LHFPL6: variants seen among roughly 807,000 people sequenced by gnomAD.
LHFPL6 encodes LHFPL tetraspan subfamily member 6 protein.
A neutral mutation model predicts 20.6 loss-of-function variants in LHFPL6; 9 were observed. The ratio of observed to expected loss-of-function variants is 0.44; its 90% confidence interval spans 0.26 to 0.76. LHFPL6 has a LOEUF of 0.76. LHFPL6 is among the 30% of genes least tolerant of loss of function. LHFPL6 has a pLI of 0.20. For synonymous variants in LHFPL6, 105 were observed against 98.7 expected (o/e 1.06, Z -0.38); for missense variants, 218 against 253.5 (o/e 0.86, Z 0.95).
intron 2 of LHFPL6, among the ~76,000 whole-genome samples, chr13:39,552,023 C>A (rs889150452): frequency 6.6e-6 from 1 of 152,144 alleles, no homozygotes; most frequent in Admixed American, 6.5e-5. Flanking sequence ...ATACTGCTGG[C>A]CTATTCTTTT....
At chr13:39,577,125 T>C (rs1872140681) in intron 2 of LHFPL6, among the ~76,000 whole-genome samples, 1 of 152,194 alleles carries the variant, frequency 6.6e-6, no homozygotes, top group Non-Finnish European at 1.5e-5. Flanking sequence ...TGAAAAATGA[T>C]AACACTTAGA....
At chr13:39,512,616 G>T (rs868480217) in intron 2 of LHFPL6, among the ~76,000 whole-genome samples, 14 of 112,056 alleles carry the variant, frequency 1.2e-4, no homozygotes, top group African/African-American at 6.1e-4. Context: ...AAAAAAAAAA[G>T]AAAAGAAAAA....
At chr13:39,360,391 A>C (rs1869846766) in intron 3 of LHFPL6, among the ~76,000 whole-genome samples, 1 of 97,752 alleles carries the variant, frequency 1.0e-5, no homozygotes, top group Non-Finnish European at 2.4e-5. Context: ...CCAGAAGATA[A>C]AATGCAGATG....
chr13:39,526,569 C>T (rs961348761), intron 2 of LHFPL6, among the ~76,000 whole-genome samples: 2 of 152,188 alleles, frequency 1.3e-5, no homozygotes, highest in East Asian at 3.8e-4. Context: ...TTCTTTCCAC[C>T]GGTCTAGTGC....
intron 2 of LHFPL6, among the ~76,000 whole-genome samples, chr13:39,595,329 G>T (rs1872738727): frequency 6.6e-6 from 1 of 151,972 alleles, no homozygotes; most frequent in Non-Finnish European, 1.5e-5. Context: ...ACAGAGTCTT[G>T]CTCTGTCACC....
intron 2 of LHFPL6, among the ~76,000 whole-genome samples, chr13:39,582,162 C>T (rs1206325231): frequency 1.3e-5 from 2 of 152,168 alleles, no homozygotes; most frequent in African/African-American, 4.8e-5. Context: ...CCAAAAGCAG[C>T]GGCCTCATTC....
At chr13:39,504,434 T>G (rs908813410) in intron 2 of LHFPL6, among the ~76,000 whole-genome samples, 7 of 152,232 alleles carry the variant, frequency 4.6e-5, no homozygotes, top group Admixed American at 1.3e-4. Context: ...AGCTCACATA[T>G]GAAGTATCAC....
intron 2 of LHFPL6, among the ~76,000 whole-genome samples, chr13:39,392,856 G>A (rs1043487445): frequency 2.0e-5 from 3 of 151,430 alleles, no homozygotes; most frequent in Admixed American, 6.6e-5. Context: ...AGATACAATC[G>A]GCCCTCTGTA....
intron 2 of LHFPL6, among the ~76,000 whole-genome samples, chr13:39,484,993 A>G (rs972458691): frequency 2.6e-5 from 4 of 152,178 alleles, no homozygotes; most frequent in African/African-American, 9.7e-5. Context: ...TGAACAGGGC[A>G]GTTTTCATCT....
intron 2 of LHFPL6, among the ~76,000 whole-genome samples, chr13:39,526,622 T>G (rs143055379): frequency 6.6e-6 from 1 of 152,204 alleles, no homozygotes; most frequent in East Asian, 1.9e-4. Context: ...TTCAAGTTAG[T>G]GTTCAGCATC....
intron 2 of LHFPL6, among the ~76,000 whole-genome samples, chr13:39,509,303 C>T (rs60492515): frequency 2.0e-5 from 3 of 152,080 alleles, no homozygotes; most frequent in East Asian, 1.9e-4. Flanking sequence ...AATAGTCATT[C>T]ATTTTTTTTT....
chr13:39,446,936 T>G (rs997243483), intron 2 of LHFPL6, among the ~76,000 whole-genome samples: 3 of 152,178 alleles, frequency 2.0e-5, no homozygotes, highest in African/African-American at 7.2e-5. Flanking sequence ...AAAGATAAAC[T>G]GGTTCACAGG....
chr13:39,475,738 G>C (rs561321941), intron 2 of LHFPL6, among the ~76,000 whole-genome samples: 1 of 152,208 alleles, frequency 6.6e-6, no homozygotes, highest in Admixed American at 6.5e-5. Flanking sequence ...CAGTGTACAC[G>C]AGAAATAGCA....
Position 39,492,806 on chromosome 13 carries a change from G to A in LHFPL6, c.385+108026C>T, listed in dbSNP as rs143484192. On this transcript the variant is annotated intron_variant, in intron 2 of 3. Transcript: ENST00000379589. ...AGTGATTCTCCTGCCTCAGCCTCCC[G>A]AGTAGCTGGGATTACAGGCATGCAC... 7.2e-3 allele frequency among the ~76,000 whole-genome samples: 1,087 copies of A among 151,862 alleles called. 15 individuals are homozygous for A. Among genetic ancestry groups the A allele is most frequent in the African/African-American group, 0.025 (1,028 of 41,412 alleles).
intron 2 of LHFPL6, among the ~76,000 whole-genome samples, chr13:39,436,610 T>C (rs1357174151): frequency 6.6e-6 from 1 of 152,192 alleles, no homozygotes; most frequent in Non-Finnish European, 1.5e-5. Flanking sequence ...CCAATACTTA[T>C]AAACTATACT....
At chr13:39,555,052 C>T (rs1871262347) in intron 2 of LHFPL6, among the ~76,000 whole-genome samples, 1 of 152,150 alleles carries the variant, frequency 6.6e-6, no homozygotes, top group Admixed American at 6.5e-5. Flanking sequence ...ACTCTTGCTC[C>T]ATTATCAAAA....
rs1179335009 is a variant in LHFPL6, at chr13:39,454,456, C to T, written c.386-75930G>A. Among the ~76,000 whole-genome samples the T allele has an allele frequency of 2.4e-5, 2 of 83,860 alleles. 1 individual carries two copies. The highest frequency in any genetic ancestry group is 1.4e-4 in the African/African-American group (2 of 13,796). 55.0% of individuals were successfully genotyped at this position (83,860 alleles called of 152,430 possible). A position where few individuals can be genotyped will look rare whatever the true frequency, so the allele number is the denominator to read the frequency against. On this transcript the variant is annotated intron_variant, in intron 2 of 3. Transcript: ENST00000379589. ...CATCCCGGCTAAAACGGTGAAACCC[C>T]GTCTCTACTAAAAATACAAAAAATT...
chr13:39,541,375 T>A (rs1433676383), intron 2 of LHFPL6, among the ~76,000 whole-genome samples: 1 of 152,184 alleles, frequency 6.6e-6, no homozygotes. Flanking sequence ...TACTGCCCCA[T>A]CCTAGTGTTC....
At chr13:39,557,295 G>A (rs562924827) in intron 2 of LHFPL6, among the ~76,000 whole-genome samples, 2 of 152,358 alleles carry the variant, frequency 1.3e-5, no homozygotes, top group African/African-American at 4.8e-5. Flanking sequence ...CACTTTAGAC[G>A]GGGCGAGCCA....
Sources: allele counts gnomAD v4.1 joint callset (sites outside exome capture counted in the v4.1 genomes callset), GRCh38; gene constraint gnomAD v4.1.1; transcripts MANE v1.5; gene names NCBI Gene and HGNC (gene_info 2026-07-23, HGNC 2026-07-21).